The following FBXO42 variants were observed in gnomAD, a reference collection of about 807,000 sequenced individuals.
FBXO42 encodes the protein F-box protein 42.
A neutral mutation model predicts 71.7 loss-of-function variants in FBXO42; 12 were observed. That is an observed-to-expected ratio of 0.17 (90% CI 0.11 to 0.27). The LOEUF (loss-of-function observed/expected upper bound fraction) is 0.27, where lower values mean the gene tolerates loss of function less well. Among genes scored for constraint, FBXO42 ranks in the 10% least tolerant of loss-of-function variants. FBXO42 has a pLI of 1.00. For synonymous variants in FBXO42, 325 were observed against 327.5 expected, an observed-to-expected ratio of 0.99 and a Z score of 0.08; for missense variants, 707 against 911.9, an observed-to-expected ratio of 0.78 and a Z score of 2.89.
chr1:16,310,360 GAAAAAAA>G, intron 2 of FBXO42, among the ~76,000 whole-genome samples: 1 of 143,688 alleles, frequency 7.0e-6, no homozygotes, highest in South Asian at 2.2e-4. Context: ...GGTTCCATCT[GAAAAAAA>G]AAAAGAAAAA....
intron 4 of FBXO42, among the ~76,000 whole-genome samples, chr1:16,262,854 C>T (rs1387498087): frequency 6.6e-6 from 1 of 152,114 alleles, no homozygotes; most frequent in East Asian, 1.9e-4. Flanking sequence ...GGACTACAGG[C>T]ACGTGCCACC....
At chr1:16,309,893 T>C (rs2100565210) in intron 2 of FBXO42, among the ~76,000 whole-genome samples, 1 of 151,272 alleles carries the variant, frequency 6.6e-6, no homozygotes, top group Non-Finnish European at 1.5e-5. Context: ...AAAGGTTTTG[T>C]TCTTACTAAA....
At position 16,338,156 on chromosome 1, in the gene FBXO42, G is replaced by A. The variant is rs565961183; in HGVS notation, c.-18+14099C>T. 3.3e-5 allele frequency among the ~76,000 whole-genome samples: 5 copies of A among 151,580 alleles called. No individual in the cohort carries two copies. In the South Asian group the frequency reaches 1.0e-3, roughly 31 times the overall value. ...CGCCTGTAGTCCCAGCTACTCGGGA[G>A]GCTGAGGCAGGAGAATGGTGTGAAC... On this transcript the variant is annotated intron_variant, in intron 1 of 9. Transcript: ENST00000375592.
At chr1:16,279,799 G>C (rs2100496678) in intron 4 of FBXO42, among the ~76,000 whole-genome samples, 1 of 151,446 alleles carries the variant, frequency 6.6e-6, no homozygotes, top group Non-Finnish European at 1.5e-5. Flanking sequence ...TTTCAACCAG[G>C]TGATCCTGGT....
At position 16,251,357 on chromosome 1, in the gene FBXO42, T is replaced by C. The variant is rs1418485947; in HGVS notation, c.1467A>G (p.Leu489=). The change falls in exon 10 of 10, where the codon CTA becomes CTG. Residue 489 remains leucine (L), a synonymous_variant. Transcript: ENST00000375592. This position sits in a 1 kb window ranked among gnomAD's most constrained non-coding sequence, Gnocchi z 4.5. ...CTAATCTCAGATCTTTCTGATCTGG[T>C]AGTGATCCTCGTCGGGGGGCCAAAG... ...GLSLAPRRGS[L]PDQKDLRLGS... The C allele has an allele frequency of 2.5e-6, 4 of 1,614,072 alleles. No homozygotes were observed. The African/African-American group carries it at 5.3e-5, about 22-fold the overall frequency.
intron 1 of FBXO42, among the ~76,000 whole-genome samples, chr1:16,325,695 C>G (rs775702326): frequency 2.6e-5 from 4 of 152,104 alleles, no homozygotes; most frequent in Non-Finnish European, 5.9e-5. Context: ...CTGGCTTTGT[C>G]ACCTAGGCTG....
intron 4 of FBXO42, among the ~76,000 whole-genome samples, chr1:16,262,916 G>A (rs1365620350): frequency 6.6e-6 from 1 of 151,912 alleles, no homozygotes; most frequent in Non-Finnish European, 1.5e-5. Flanking sequence ...TCACCATGTT[G>A]TGTAGGCTCG....
At chr1:16,313,147 T>TA (rs2082329394) in intron 2 of FBXO42, among the ~76,000 whole-genome samples, 2 of 147,528 alleles carry the variant, frequency 1.4e-5, no homozygotes, top group Admixed American at 1.4e-4. Flanking sequence ...AAGTGCTCTT[T>TA]AAAAAAAAAG....
chr1:16,309,801 T>C (rs960357182), intron 2 of FBXO42, among the ~76,000 whole-genome samples: 8 of 151,592 alleles, frequency 5.3e-5, no homozygotes, highest in Non-Finnish European at 7.4e-5. Flanking sequence ...TCCGAGCATT[T>C]TGGGAGGCCG....
rs1470355724 is a variant in FBXO42, at chr1:16,294,898, A to G, written c.387T>C (p.Ala129=). 1 of 1,611,186 alleles carries G rather than the reference A, an allele frequency of 6.2e-7. No homozygotes were observed. Residue 129 remains alanine, a synonymous_variant, in exon 4 of 10, where the codon GCT becomes GCC. Coordinates refer to ENST00000375592, the MANE Select transcript of FBXO42 (RefSeq NM_018994.3). ...RFSHSACYYD[A]NQSMYVFGGC... is the part of the protein sequence containing the mutation. ...CTCCAAACACATACATAGACTGATTAGCATCATAATAGCATGCACCTAGAA... is the reference window on the plus strand; with the variant it reads ...CTCCAAACACATACATAGACTGATTGGCATCATAATAGCATGCACCTAGAA...
Position 16,251,644 on chromosome 1 carries a change from G to A in FBXO42, c.1180C>T (p.Pro394Ser). The change falls in exon 10 of 10, where the codon CCA (proline) becomes TCA (serine). Residue 394 changes from proline to serine, a missense_variant. This residue lies in a region of FBXO42 where 482 missense variants were observed against 587.1 expected (regional missense o/e 0.82). Transcript: ENST00000375592. This position sits in a 1 kb window ranked among gnomAD's most constrained non-coding sequence, Gnocchi z 4.5. Reference protein sequence around the residue: ...PETREYRSQSPVRSMDEAPCV... With the variant: ...PETREYRSQSSVRSMDEAPCV... ...GGAGCTTCATCCATGCTTCTTACTG[G>A]AGACTGAGAGCGGTACTCTCGGGTT... is the stretch of plus-strand genomic sequence containing the variant. 1.9e-6 allele frequency: 3 copies of A among 1,614,206 alleles called. No homozygotes were observed. Among genetic ancestry groups the A allele is most frequent in the Non-Finnish European group, 2.5e-6 (3 of 1,180,048 alleles).
At chr1:16,341,609 TA>T (rs34904915) in intron 1 of FBXO42, among the ~76,000 whole-genome samples, 56,820 of 109,660 alleles carry the variant, frequency 0.52, 15,341 homozygotes, top group East Asian at 0.75. Flanking sequence ...CTGCGTCTTT[TA>T]AAAAAAAAAA....
intron 2 of FBXO42, among the ~76,000 whole-genome samples, chr1:16,310,818 A>C (rs761321193): frequency 1.3e-5 from 2 of 151,720 alleles, no homozygotes; most frequent in Non-Finnish European, 2.9e-5. Context: ...TGACATCAGG[A>C]GTTCAAGACC....
In FBXO42 at chr1:16,250,714, A is replaced by G. The variant is rs760149441; in HGVS notation, c.2110T>C (p.Tyr704His). The G allele has an allele frequency of 5.6e-6, 9 of 1,614,160 alleles. No individual in the cohort carries two copies. The highest frequency in any genetic ancestry group is 1.7e-5 in the Admixed American group (1 of 60,014). The change falls in exon 10 of 10, where the codon TAT (tyrosine) becomes CAT (histidine). Residue 704 changes from tyrosine to histidine, a missense_variant. Transcript: ENST00000375592. This position sits in a 1 kb window ranked among gnomAD's most constrained non-coding sequence, Gnocchi z 4.7. The stretch of plus-strand genomic sequence containing the variant: ...AAGTACAAGGCGTTTGTTTTTGGAT[A>G]GTACTTCACATTCTGTTTCTTGTCC... ...LMDKKQNVKY[Y>H]PKTNALYFVR...
chr1:16,346,688 G>A (rs1230427234), intron 1 of FBXO42, among the ~76,000 whole-genome samples: 8 of 146,952 alleles, frequency 5.4e-5, no homozygotes, highest in South Asian at 2.2e-4. Context: ...ACTCCGTCTC[G>A]GGGAAAAAAA....
intron 1 of FBXO42, among the ~76,000 whole-genome samples, chr1:16,343,111 C>T (rs1009146571): frequency 6.6e-6 from 1 of 152,138 alleles, no homozygotes; most frequent in African/African-American, 2.4e-5. Context: ...GACTAAGACA[C>T]CTACTCTACC....
At chr1:16,305,687 T>A in intron 3 of FBXO42, 116 bp downstream of exon 3, 1 of 847,810 alleles carries the variant, frequency 1.2e-6, no homozygotes. Flanking sequence ...GCACTCCAGC[T>A]TGGGTGATAG....
rs1417643301 is a variant in FBXO42 at position 16,315,291 on chromosome 1, T to C, written c.128A>G (p.His43Arg). 7 of 1,614,034 alleles carry C rather than the reference T, an allele frequency of 4.3e-6. No individual in the cohort carries two copies. Among genetic ancestry groups the C allele is most frequent in the East Asian group, 2.2e-5 (1 of 44,898 alleles). ...HPVLEAEETR[H>R]NRSMSELPEE... The stretch of plus-strand genomic sequence containing the variant: ...TGGCAGCTCCGACATGGACCTATTA[T>C]GTCTAGTCTCCTCAGCCTCCAATAC... Residue 43 changes from histidine to arginine, a missense_variant, in exon 2 of 10, where the codon CAT becomes CGT. This residue lies in a region of FBXO42 where 188 missense variants were observed against 230.5 expected (regional missense o/e 0.82). Transcript: ENST00000375592.
chr1:16,278,673 C>T (rs1315403818), intron 4 of FBXO42, among the ~76,000 whole-genome samples: 3 of 152,130 alleles, frequency 2.0e-5, no homozygotes, highest in Admixed American at 6.6e-5. Flanking sequence ...GCTTCATTAA[C>T]GGGACTGACA....
Sources: gnomAD v4.1 joint callset for allele counts (sites outside exome capture counted in the v4.1 genomes callset) on GRCh38, gnomAD v4.1.1 for gene constraint, gnomAD v4.1.1 regional missense constraint, Gnocchi (gnomAD v3.1) non-coding constraint, MANE v1.5 for transcripts, NCBI Gene and HGNC (gene_info 2026-07-23, HGNC 2026-07-21) for gene names.